SHISA9: variants seen among roughly 807,000 people sequenced by gnomAD.
SHISA9 encodes shisa family member 9.
A neutral mutation model predicts 38.0 loss-of-function variants in SHISA9; 13 were observed. The observed-to-expected ratio is 0.34, with a 90% CI of 0.22 to 0.54. The LOEUF (loss-of-function observed/expected upper bound fraction) is 0.54, where lower values mean the gene tolerates loss of function less well. Ranked by LOEUF, SHISA9 falls within the 20% of genes least tolerant of loss-of-function variation. The probability of loss-of-function intolerance (pLI) is 0.91; values close to 1 mark genes in which losing one functional copy is unlikely to be tolerated. For synonymous variants in SHISA9, 275 were observed against 242.0 expected (o/e 1.14, Z -1.27); for missense variants, 538 against 575.8 (o/e 0.93, Z 0.67).
the SHISA9 span, among the ~76,000 whole-genome samples, chr16:13,515,802 A>G: frequency 6.6e-6 from 1 of 152,208 alleles, no homozygotes; most frequent in Non-Finnish European, 1.5e-5. Context: ...TATTTTGGAA[A>G]CATGACACAA....
At chr16:13,374,785 G>A in the SHISA9 span, among the ~76,000 whole-genome samples, 1 of 152,194 alleles carries the variant, frequency 6.6e-6, no homozygotes, top group Non-Finnish European at 1.5e-5. Context: ...CCCACCAACA[G>A]TGTAGAAGTG....
intron 2 of SHISA9, among the ~76,000 whole-genome samples, chr16:13,160,732 C>G (rs923683573): frequency 6.6e-6 from 1 of 152,198 alleles, no homozygotes; most frequent in Non-Finnish European, 1.5e-5. Context: ...CCCTCTGGAC[C>G]TCCCATTTCA....
In SHISA9 at chr16:13,113,752, C is replaced by T. The variant is rs1243889700; in HGVS notation, c.692-89642C>T. On this transcript the variant is annotated intron_variant, in intron 2 of 4. Coordinates refer to ENST00000558583, the MANE Select transcript of SHISA9 (RefSeq NM_001145204.3). ...GCCTTTTCTGGCTGTGTTCTTGGCA[C>T]CCATGGAGGAGAAAGGGATGAACAC... 2.6e-5 allele frequency among the ~76,000 whole-genome samples: 4 copies of T among 152,076 alleles called. No homozygotes were observed. The South Asian group carries it at 6.2e-4, about 24-fold the overall frequency.
the SHISA9 span, among the ~76,000 whole-genome samples, chr16:13,260,254 G>C: frequency 6.6e-6 from 1 of 151,850 alleles, no homozygotes; most frequent in African/African-American, 2.4e-5. Flanking sequence ...CTGACCTTGT[G>C]ATCTGCCTGC....
the SHISA9 span, among the ~76,000 whole-genome samples, chr16:13,469,431 GAAAGAGAA>G: frequency 7.7e-6 from 1 of 130,652 alleles, no homozygotes; most frequent in South Asian, 2.6e-4. Context: ...GAAAAAGAAA[GAAAGAGAA>G]AGAAAGAGAA....
the SHISA9 span, among the ~76,000 whole-genome samples, chr16:13,520,498 G>A: frequency 6.6e-6 from 1 of 150,930 alleles, no homozygotes; most frequent in East Asian, 2.0e-4. Context: ...AGCTACTTGG[G>A]AGGCTGAGGT....
chr16:13,203,488 C>T lies in SHISA9; in HGVS notation c.786C>T (p.Asn262=), dbSNP rs990306307. Residue 262 remains asparagine, a synonymous_variant, in exon 3 of 5, where the codon AAC becomes AAT. Transcript: ENST00000558583. ...ACCCGAACCTGGGCCAGATCTCCAA[C>T]CCCTATGAACAGCAGCCACCAGGAA... ...HSYPNLGQIS[N]PYEQQPPGKE... 3.2e-6 allele frequency: 5 copies of T among 1,550,390 alleles called. No homozygotes were observed. In the African/African-American group the frequency reaches 5.5e-5, roughly 17 times the overall value.
At chr16:13,114,118 C>CA (rs1486084657) in intron 2 of SHISA9, among the ~76,000 whole-genome samples, 1 of 152,118 alleles carries the variant, frequency 6.6e-6, no homozygotes, top group Non-Finnish European at 1.5e-5. Flanking sequence ...AAGGCTCCCC[C>CA]ACTGCCAGTT....
the SHISA9 span, among the ~76,000 whole-genome samples, chr16:13,445,002 A>G: frequency 7.1e-5 from 2 of 28,332 alleles, no homozygotes; most frequent in South Asian, 1.2e-3. Context: ...ATATATATAT[A>G]TATATATATA....
the SHISA9 span, among the ~76,000 whole-genome samples, chr16:13,382,799 A>G: frequency 0.61 from 92,268 of 151,848 alleles, 28,420 homozygotes; most frequent in Non-Finnish European, 0.67. Flanking sequence ...CAGAAGCTGC[A>G]GTGAGCCGAG....
intron 2 of SHISA9, 99 bp from the exon 3 acceptor site, chr16:13,203,295 G>C: frequency 1.7e-6 from 2 of 1,208,338 alleles, no homozygotes; most frequent in Non-Finnish European, 2.2e-6. Flanking sequence ...GTCCCTAAAG[G>C]GTGGGGAGAG....
chr16:13,364,121 C>G, the SHISA9 span, among the ~76,000 whole-genome samples: 3 of 152,214 alleles, frequency 2.0e-5, no homozygotes, highest in African/African-American at 7.2e-5. Flanking sequence ...TTGAGAATTT[C>G]TCTTTAAATG....
At chr16:13,355,377 C>G in the SHISA9 span, among the ~76,000 whole-genome samples, 1 of 151,166 alleles carries the variant, frequency 6.6e-6, no homozygotes, top group African/African-American at 2.4e-5. Context: ...GATTGGTCAC[C>G]AAGGAGGGAG....
intron 3 of SHISA9, among the ~76,000 whole-genome samples, chr16:13,211,002 A>G (rs1596735473): frequency 6.6e-6 from 1 of 152,166 alleles, no homozygotes; most frequent in African/African-American, 2.4e-5. Flanking sequence ...TCTTTGTTTG[A>G]AAGTAAAAGT....
chr16:12,914,407 C>T (rs1182887481), intron 1 of SHISA9, among the ~76,000 whole-genome samples: 2 of 152,056 alleles, frequency 1.3e-5, no homozygotes, highest in African/African-American at 4.8e-5. Flanking sequence ...ATATAAGCTC[C>T]AGGAAGGCAG....
the SHISA9 span, among the ~76,000 whole-genome samples, chr16:13,493,240 G>C: frequency 3.9e-5 from 6 of 152,036 alleles, no homozygotes; most frequent in African/African-American, 1.2e-4. Flanking sequence ...AGGAGAATAA[G>C]ACACTGCCCC....
At chr16:12,927,755 G>C (rs2071410459) in intron 2 of SHISA9, among the ~76,000 whole-genome samples, 1 of 151,862 alleles carries the variant, frequency 6.6e-6, no homozygotes, top group Non-Finnish European at 1.5e-5. Flanking sequence ...AAAGGACATG[G>C]GCTCCCACCC....
intron 2 of SHISA9, among the ~76,000 whole-genome samples, chr16:13,044,627 A>G (rs751002974): frequency 6.6e-6 from 1 of 152,216 alleles, no homozygotes; most frequent in Admixed American, 6.5e-5. Context: ...CCTGATGGTT[A>G]GTAAGGACAG....
At chr16:13,385,987 G>A in the SHISA9 span, among the ~76,000 whole-genome samples, 1 of 152,150 alleles carries the variant, frequency 6.6e-6, no homozygotes, top group South Asian at 2.1e-4. Context: ...ATAGGGACAG[G>A]GCAAGAGGGA....
Sources: gnomAD v4.1 joint callset for allele counts (sites outside exome capture counted in the v4.1 genomes callset) on GRCh38, gnomAD v4.1.1 for gene constraint, MANE v1.5 for transcripts, NCBI Gene and HGNC (gene_info 2026-07-23, HGNC 2026-07-21) for gene names.